KIAA0319: variants seen among roughly 807,000 people sequenced by gnomAD.
KIAA0319 encodes dyslexia-associated protein KIAA0319.
KIAA0319 carries 83 observed loss-of-function variants against 108.4 expected under a neutral mutation model. That is an observed-to-expected ratio of 0.77 (90% CI 0.64 to 0.92). KIAA0319 has a LOEUF of 0.92. KIAA0319 is among the 40% of genes least tolerant of loss of function. KIAA0319 has a pLI of 0.00. For synonymous variants in KIAA0319, 484 were observed against 510.4 expected (o/e 0.95, Z 0.70); for missense variants, 1,195 against 1,322.4 (o/e 0.90, Z 1.49).
chr6:24,594,542 G>A (rs1298047226), intron 3 of KIAA0319, among the ~76,000 whole-genome samples: 2 of 150,454 alleles, frequency 1.3e-5, no homozygotes, highest in Non-Finnish European at 3.0e-5. Flanking sequence ...CAGGAGAATC[G>A]CTTGAACCCA....
At chr6:24,601,283 C>G in intron 1 of KIAA0319, 75 bp from the exon 2 acceptor site, 1 of 1,412,230 alleles carries the variant, frequency 7.1e-7, no homozygotes, top group South Asian at 1.5e-5. Flanking sequence ...TTATTTCTAT[C>G]ATTCATTCAT....
chr6:24,621,883 G>A (rs1206876305), intron 1 of KIAA0319, among the ~76,000 whole-genome samples: 1 of 152,148 alleles, frequency 6.6e-6, no homozygotes, highest in Non-Finnish European at 1.5e-5. Context: ...AGACAGAACC[G>A]GCCAAGGCAC....
At chr6:24,631,614 A>G (rs1775593451) in intron 1 of KIAA0319, among the ~76,000 whole-genome samples, 1 of 152,154 alleles carries the variant, frequency 6.6e-6, no homozygotes, top group South Asian at 2.1e-4. Context: ...ACAATTTTAG[A>G]AGGTGAAACC....
intron 1 of KIAA0319, among the ~76,000 whole-genome samples, chr6:24,634,743 C>A (rs9461042): frequency 0.018 from 2,808 of 152,318 alleles, 75 homozygotes; most frequent in African/African-American, 0.059. Context: ...GTATCTAATA[C>A]AGGTCTCAAT....
intron 1 of KIAA0319, among the ~76,000 whole-genome samples, chr6:24,606,081 C>A (rs945683939): frequency 3.9e-5 from 6 of 152,056 alleles, no homozygotes; most frequent in Non-Finnish European, 1.5e-5. Flanking sequence ...ACGACAGGTG[C>A]CTGCCACCAT....
intron 1 of KIAA0319, 102 bp from the exon 2 acceptor site, chr6:24,601,310 TC>T: frequency 6.5e-6 from 9 of 1,379,830 alleles, no homozygotes; most frequent in Non-Finnish European, 8.4e-6. Context: ...GGGAAGCCTG[TC>T]CTGGTCACAT....
rs1180692467 is a variant in KIAA0319 at position 24,556,593 on chromosome 6, A to G, written c.2857+14T>C. 1 of 1,612,940 alleles carries G rather than the reference A, an allele frequency of 6.2e-7. No homozygotes were observed. The highest frequency in any genetic ancestry group is 8.5e-7 in the Non-Finnish European group (1 of 1,179,526). On this transcript the variant is annotated intron_variant, in intron 18 of 20. Coordinates refer to ENST00000378214, the MANE Select transcript of KIAA0319 (RefSeq NM_014809.4). ...AGGCTCCTCACCCAAAGCCTCCTCT[A>G]TACCAGAACTCACCACAGTTGCTCT... is the stretch of plus-strand genomic sequence containing the variant.
downstream of KIAA0319, among the ~76,000 whole-genome samples, chr6:24,542,071 G>A (rs910646837): frequency 2.1e-4 from 32 of 152,328 alleles, no homozygotes; most frequent in African/African-American, 6.0e-4. Context: ...ACTGCCAGGA[G>A]GCAGAGGTTG....
At chr6:24,579,410 A>AAG (rs1438384412) in intron 8 of KIAA0319, among the ~76,000 whole-genome samples, 2 of 88,062 alleles carry the variant, frequency 2.3e-5, no homozygotes, top group African/African-American at 6.3e-5. Flanking sequence ...CCTCTATATA[A>AAG]AGATATATAT....
intron 20 of KIAA0319, among the ~76,000 whole-genome samples, chr6:24,550,379 A>T (rs1205297635): frequency 1.3e-5 from 2 of 152,258 alleles, no homozygotes; most frequent in Non-Finnish European, 2.9e-5. Context: ...ACTCTGAAAA[A>T]GATTATATCT....
At chr6:24,551,335 C>T (rs1162029916) in intron 20 of KIAA0319, 99 bp downstream of exon 20, 1 of 810,490 alleles carries the variant, frequency 1.2e-6, no homozygotes, top group Non-Finnish European at 2.1e-6. Context: ...AAAGTGCTGA[C>T]TCCAGCAAAT....
intron 7 of KIAA0319, among the ~76,000 whole-genome samples, chr6:24,580,540 G>T (rs115901482): frequency 1.3e-5 from 2 of 152,138 alleles, no homozygotes; most frequent in African/African-American, 2.4e-5. Flanking sequence ...TGCACTGACC[G>T]ATGGGCATAC....
rs3215493 is a variant in KIAA0319, at chr6:24,579,957, CA to C, written c.1280-8del. 63 of 1,565,744 alleles carry C rather than the reference CA, an allele frequency of 4.0e-5. No individual in the cohort carries two copies. The highest frequency in any genetic ancestry group is 4.9e-5 in the Non-Finnish European group (56 of 1,153,250). ...GGCAGGTTGACTCTTCTGGCTGTAA[CA>C]AAAAAAAGGACAGTGACTGAGCCCA... On this transcript the variant is annotated splice_polypyrimidine_tract_variant and splice_region_variant and intron_variant, in intron 7 of 20. Coordinates refer to ENST00000378214, the MANE Select transcript of KIAA0319 (RefSeq NM_014809.4).
intron 1 of KIAA0319, among the ~76,000 whole-genome samples, chr6:24,618,624 A>AAAC (rs1274654460): frequency 1.3e-5 from 2 of 152,058 alleles, no homozygotes; most frequent in East Asian, 3.9e-4. Context: ...AAACACCCCC[A>AAAC]AACAACAACA....
intron 1 of KIAA0319, among the ~76,000 whole-genome samples, chr6:24,610,107 A>G (rs1772073507): frequency 6.6e-6 from 1 of 152,182 alleles, no homozygotes; most frequent in South Asian, 2.1e-4. Context: ...AAAATGAAAA[A>G]CTTTTGTGCT....
At chr6:24,572,840 G>C (rs1473772244) in intron 10 of KIAA0319, 142 bp from the exon 11 acceptor site, 2 of 856,762 alleles carry the variant, frequency 2.3e-6, no homozygotes, top group Non-Finnish European at 3.4e-6. Flanking sequence ...GTTTGGCCAG[G>C]CACGGTGGTT....
At chr6:24,629,510 G>A (rs1406419263) in intron 1 of KIAA0319, among the ~76,000 whole-genome samples, 6 of 14,554 alleles carry the variant, frequency 4.1e-4, no homozygotes, top group South Asian at 2.2e-3. Flanking sequence ...GTGAGACTCT[G>A]TCTCAAAAAA....
downstream of KIAA0319, among the ~76,000 whole-genome samples, chr6:24,542,347 T>C (rs532699324): frequency 5.9e-5 from 9 of 152,316 alleles, no homozygotes; most frequent in African/African-American, 2.2e-4. Flanking sequence ...AGCATTTATC[T>C]CAACAAAATT....
At chr6:24,617,255 C>T (rs1773277971) in intron 1 of KIAA0319, among the ~76,000 whole-genome samples, 1 of 151,510 alleles carries the variant, frequency 6.6e-6, no homozygotes, top group Admixed American at 6.6e-5. Flanking sequence ...ACAATGAAGG[C>T]ATTTAAGTGA....
Sources: gnomAD v4.1 joint callset for allele counts (sites outside exome capture counted in the v4.1 genomes callset) on GRCh38, gnomAD v4.1.1 for gene constraint, MANE v1.5 for transcripts, NCBI Gene and HGNC (gene_info 2026-07-23, HGNC 2026-07-21) for gene names.